The following KCNMB2 variants were observed in gnomAD, a reference collection of about 807,000 sequenced individuals.
The protein encoded by KCNMB2 is potassium calcium-activated channel subfamily M regulatory beta subunit 2, also known as calcium-activated potassium channel subunit beta-2.
KCNMB2 carries 9 observed loss-of-function variants against 24.5 expected under a neutral mutation model. The observed-to-expected ratio is 0.37, with a 90% CI of 0.22 to 0.64. The LOEUF is 0.64. Among genes scored for constraint, KCNMB2 ranks in the 30% least tolerant of loss-of-function variants. The pLI is 0.63. For missense variants in KCNMB2, 226 were observed against 284.3 expected (o/e 0.79, Z 1.47); for synonymous variants, 109 against 104.4 (o/e 1.04, Z -0.27).
At chr3:178,694,873 T>C (rs1040917313) in intron 1 of KCNMB2, among the ~76,000 whole-genome samples, 1 of 152,160 alleles carries the variant, frequency 6.6e-6, no homozygotes, top group Admixed American at 6.5e-5. Flanking sequence ...GATCTACCAT[T>C]CTGGGGTCTG....
chr3:178,684,309 T>C (rs2108322725), intron 1 of KCNMB2, among the ~76,000 whole-genome samples: 1 of 113,608 alleles, frequency 8.8e-6, no homozygotes. Flanking sequence ...TATAGAGAGA[T>C]AGAGAACAAA....
At chr3:178,761,202 T>C (rs1264650181) in intron 1 of KCNMB2, among the ~76,000 whole-genome samples, 1 of 152,168 alleles carries the variant, frequency 6.6e-6, no homozygotes, top group Non-Finnish European at 1.5e-5. Flanking sequence ...TAGAAATGAA[T>C]CATAGTGAGT....
chr3:178,775,083 C>T (rs1712526668), intron 1 of KCNMB2, among the ~76,000 whole-genome samples: 1 of 152,190 alleles, frequency 6.6e-6, no homozygotes, highest in Admixed American at 6.5e-5. Flanking sequence ...TCCAGAAATG[C>T]ATCTAAAGTT....
At chr3:178,614,275 A>ATATATATATATATATG (rs1718611681) in intron 1 of KCNMB2, among the ~76,000 whole-genome samples, 3 of 66,832 alleles carry the variant, frequency 4.5e-5, no homozygotes, top group African/African-American at 1.6e-4. Context: ...ATATATATAT[A>ATATATATATATATATG]TATATATATA....
chr3:178,621,084 G>A (rs867398407), intron 1 of KCNMB2, among the ~76,000 whole-genome samples: 11 of 152,132 alleles, frequency 7.2e-5, no homozygotes, highest in African/African-American at 1.9e-4. Flanking sequence ...TTAATTTGCC[G>A]GGAATATGCA....
chr3:178,647,048 T>C (rs1019758733), intron 1 of KCNMB2, among the ~76,000 whole-genome samples: 3 of 152,224 alleles, frequency 2.0e-5, no homozygotes, highest in African/African-American at 7.2e-5. Flanking sequence ...TATGTTTATA[T>C]GTTGATTCTG....
At chr3:178,718,034 A>G (rs953313009) in intron 1 of KCNMB2, among the ~76,000 whole-genome samples, 1 of 152,158 alleles carries the variant, frequency 6.6e-6, no homozygotes, top group Non-Finnish European at 1.5e-5. Flanking sequence ...AGTGGACATG[A>G]CTTATCCCTT....
intron 1 of KCNMB2, among the ~76,000 whole-genome samples, chr3:178,718,792 A>G (rs187168103): frequency 1.3e-5 from 2 of 152,256 alleles, no homozygotes; most frequent in East Asian, 1.9e-4. Flanking sequence ...TTTTTTCTCT[A>G]TATCGTATAT....
chr3:178,793,852 C>T (rs1713426606), intron 1 of KCNMB2, among the ~76,000 whole-genome samples: 1 of 152,082 alleles, frequency 6.6e-6, no homozygotes, highest in South Asian at 2.1e-4. Flanking sequence ...TCACCCCTCC[C>T]AGTCTACAGT....
At chr3:178,832,168 C>G (rs1360199931) in intron 4 of KCNMB2, among the ~76,000 whole-genome samples, 8 of 151,930 alleles carry the variant, frequency 5.3e-5, no homozygotes, top group Admixed American at 2.6e-4. Flanking sequence ...AAAAAATGTT[C>G]TCATTTTTCA....
rs756594127 is a variant in KCNMB2, at chr3:178,825,748, T to C, written c.217T>C (p.Tyr73His). The change falls in exon 3 of 5, where the codon TAC (tyrosine) becomes CAC (histidine). Residue 73 changes from tyrosine (Y) to histidine (H), a missense_variant. Tyr to His is a moderately conservative substitution (Grantham distance 83). Transcript: ENST00000452583. ...GCTGGGAATCACACTCCTGCGCTCA[T>C]ACATGCAGAGGTAATACCACTGGGT... ...FLLGITLLRSYMQSVWTEESQ... is the reference protein window; with the variant it reads ...FLLGITLLRSHMQSVWTEESQ... 1.9e-6 allele frequency: 3 copies of C among 1,612,100 alleles called. No homozygotes were observed. The highest frequency in any genetic ancestry group is 2.2e-5 in the East Asian group (1 of 44,818).
At chr3:178,711,635 CAG>C (rs34962594) in intron 1 of KCNMB2, among the ~76,000 whole-genome samples, 35,069 of 152,020 alleles carry the variant, frequency 0.23, 4,167 homozygotes, top group East Asian at 0.28. Flanking sequence ...CCAGAGAAAA[CAG>C]AGTCTTCAGA....
intron 1 of KCNMB2, among the ~76,000 whole-genome samples, chr3:178,790,741 C>T (rs2108439917): frequency 6.6e-6 from 1 of 152,274 alleles, no homozygotes; most frequent in Non-Finnish European, 1.5e-5. Context: ...TCCAACAGCT[C>T]CAGGCAACTC....
intron 1 of KCNMB2, among the ~76,000 whole-genome samples, chr3:178,719,036 C>T (rs547009269): frequency 6.6e-6 from 1 of 152,322 alleles, no homozygotes; most frequent in East Asian, 1.9e-4. Flanking sequence ...GCCTCCAGCC[C>T]AGCCCTGTGA....
At chr3:178,623,835 CATG>C (rs1719006316) in intron 1 of KCNMB2, among the ~76,000 whole-genome samples, 1 of 152,136 alleles carries the variant, frequency 6.6e-6, no homozygotes, top group Non-Finnish European at 1.5e-5. Context: ...CACAGCTATT[CATG>C]ATGTCAGGGG....
chr3:178,731,642 G>A (rs1233824864), intron 1 of KCNMB2, among the ~76,000 whole-genome samples: 1 of 152,200 alleles, frequency 6.6e-6, no homozygotes, highest in African/African-American at 2.4e-5. Context: ...AGTGGCTCAT[G>A]CCTGTAATCC....
intron 1 of KCNMB2, among the ~76,000 whole-genome samples, chr3:178,721,045 T>C (rs1722787497): frequency 6.6e-6 from 1 of 152,162 alleles, no homozygotes; most frequent in African/African-American, 2.4e-5. Context: ...ATGAAGTCCT[T>C]GCCCATGCCT....
chr3:178,698,099 G>C (rs1266703070), intron 1 of KCNMB2, among the ~76,000 whole-genome samples: 4 of 152,098 alleles, frequency 2.6e-5, no homozygotes, highest in Non-Finnish European at 4.4e-5. Flanking sequence ...TTGTGAAGTA[G>C]CTTACTGGGG....
At chr3:178,819,695 A>G (rs557553527) in intron 2 of KCNMB2, among the ~76,000 whole-genome samples, 3 of 152,286 alleles carry the variant, frequency 2.0e-5, no homozygotes, top group East Asian at 1.9e-4. Context: ...CAAGAAACAA[A>G]TTTTGGTTAA....
Sources: allele counts gnomAD v4.1 joint callset (sites outside exome capture counted in the v4.1 genomes callset), GRCh38; gene constraint gnomAD v4.1.1; transcripts MANE v1.5; gene names NCBI Gene and HGNC (gene_info 2026-07-23, HGNC 2026-07-21).